Variants in HOXC4 observed in about 807,000 individuals in gnomAD.
HOXC4 encodes the protein homeobox C4.
A neutral mutation model predicts 25.5 loss-of-function variants in HOXC4; 15 were observed. The ratio of observed to expected loss-of-function variants is 0.59; its 90% confidence interval spans 0.39 to 0.91. The LOEUF is 0.91. Among genes scored for constraint, HOXC4 ranks in the 40% least tolerant of loss-of-function variants. The pLI is 0.00. For synonymous variants in HOXC4, 165 were observed against 148.0 expected (o/e 1.11, Z -0.83); for missense variants, 342 against 352.4 (o/e 0.97, Z 0.24).
At chr12:54,038,217 T>TCCC (rs1000843236) in intron 1 of HOXC4, among the ~76,000 whole-genome samples, 5 of 152,128 alleles carry the variant, frequency 3.3e-5, no homozygotes, top group Admixed American at 3.3e-4. Flanking sequence ...TGAGCAGCCC[T>TCCC]CCCCTTCCCA....
chr12:54,034,570 T>A, intron 1 of HOXC4: 1 of 1,257,280 alleles, frequency 8.0e-7, no homozygotes, highest in Non-Finnish European at 1.1e-6. Flanking sequence ...CTTTCCTCTC[T>A]ATATTTCGGG....
chr12:54,017,656 G>A (rs1940215814), intron 1 of HOXC4, among the ~76,000 whole-genome samples: 1 of 152,084 alleles, frequency 6.6e-6, no homozygotes, highest in Non-Finnish European at 1.5e-5. Flanking sequence ...TGGGGGTGGG[G>A]AGGCAAGGGA....
chr12:54,039,787 C>T (rs377502642), intron 1 of HOXC4, among the ~76,000 whole-genome samples: 4 of 152,022 alleles, frequency 2.6e-5, no homozygotes, highest in African/African-American at 4.8e-5. Flanking sequence ...GGTCTTTAAC[C>T]GGGAATTTAG....
chr12:54,021,533 AG>A (rs1940437507), intron 1 of HOXC4: 1 of 152,236 alleles, frequency 6.6e-6, no homozygotes, highest in African/African-American at 2.4e-5. Flanking sequence ...ACCCCATAAA[AG>A]AAAGCAGGGA....
intron 1 of HOXC4, among the ~76,000 whole-genome samples, chr12:54,024,831 C>G (rs939181203): frequency 6.6e-6 from 1 of 152,222 alleles, no homozygotes; most frequent in Non-Finnish European, 1.5e-5. Flanking sequence ...GACTGCACCC[C>G]ACTCAGGTCC....
At chr12:54,031,068 G>A (rs1037331863) in intron 1 of HOXC4, among the ~76,000 whole-genome samples, 1 of 152,278 alleles carries the variant, frequency 6.6e-6, no homozygotes, top group African/African-American at 2.4e-5. Flanking sequence ...AGCCGCGTAG[G>A]ATTTTGTTGC....
upstream of HOXC4, among the ~76,000 whole-genome samples, chr12:54,051,718 G>A (rs1461482929): frequency 6.6e-6 from 1 of 152,198 alleles, no homozygotes; most frequent in Non-Finnish European, 1.5e-5. Context: ...AGCTCCTTGG[G>A]AGCTAAGCCC....
chr12:54,055,747 TG>T lies in HOXC4; in HGVS notation c.*551del, dbSNP rs11362454. 95,818 of 149,452 alleles carry T rather than the reference TG, an allele frequency of 0.64. 31,122 individuals are homozygous for T. The highest frequency in any genetic ancestry group is 0.79 in the African/African-American group (31,859 of 40,572). The allele number at this position is 149,452 out of a possible 1,614,324, so 9.3% of individuals were successfully genotyped here. ...CTATGAAGTTCTTTTGTATTATTGT[TG>T]GGGGGGGGTGTGGGAGGAGAGGGGG... On this transcript the variant is annotated 3_prime_UTR_variant, in exon 2 of 2. Coordinates refer to ENST00000430889, the MANE Select transcript of HOXC4 (RefSeq NM_153633.3).
chr12:54,052,722 G>T (rs1937877714), upstream of HOXC4, among the ~76,000 whole-genome samples: 1 of 152,162 alleles, frequency 6.6e-6, no homozygotes, highest in Non-Finnish European at 1.5e-5. Context: ...AAGGCTGGCC[G>T]TGCCTCCCCA....
At chr12:54,018,543 G>A (rs1392001763) in intron 1 of HOXC4, among the ~76,000 whole-genome samples, 2 of 152,232 alleles carry the variant, frequency 1.3e-5, no homozygotes, top group African/African-American at 4.8e-5. Context: ...ATGGCCTGTT[G>A]TATAGTCTTA....
chr12:54,034,236 C>G (rs1206499322), intron 1 of HOXC4: 2 of 1,529,810 alleles, frequency 1.3e-6, no homozygotes, highest in Non-Finnish European at 1.8e-6. Flanking sequence ...ACGCTGCAAG[C>G]TATTCACCCC....
intron 1 of HOXC4, among the ~76,000 whole-genome samples, chr12:54,028,070 T>A (rs886416773): frequency 4.6e-5 from 7 of 151,998 alleles, no homozygotes; most frequent in African/African-American, 1.7e-4. Flanking sequence ...GGGGCAGATA[T>A]AAAACATGAA....
Position 54,028,042 on chromosome 12 carries a change from A to G in HOXC4, c.-124+10628A>G, listed in dbSNP as rs544927822. The stretch of plus-strand genomic sequence containing the variant: ...AGGGAGTTCTTCCCTTGGAGAAATC[A>G]GGATGTAATTTTAGAAGGGGGCAGA... On this transcript the variant is annotated intron_variant, in intron 1 of 3. Coordinates refer to the HOXC4 transcript ENST00000303406. Among the ~76,000 whole-genome samples the G allele has an allele frequency of 2.0e-4, 30 of 152,222 alleles. No individual in the cohort carries two copies. The South Asian group carries it at 5.2e-3, about 26-fold the overall frequency.
chr12:54,039,059 G>A (rs138906845), intron 1 of HOXC4, among the ~76,000 whole-genome samples: 1 of 152,268 alleles, frequency 6.6e-6, no homozygotes, highest in Non-Finnish European at 1.5e-5. Flanking sequence ...GTGACAACAT[G>A]TGAATTCAGG....
chr12:54,025,413 C>T (rs1467358502), intron 1 of HOXC4, among the ~76,000 whole-genome samples: 1 of 151,786 alleles, frequency 6.6e-6, no homozygotes, highest in Non-Finnish European at 1.5e-5. Context: ...AGATCGGGCT[C>T]ATCTGACCTG....
At chr12:54,029,520 A>AT in intron 1 of HOXC4, 1 of 847,808 alleles carries the variant, frequency 1.2e-6, no homozygotes, top group East Asian at 2.8e-5. Flanking sequence ...GCAAGGCAAA[A>AT]GGGAGAAGGC....
chr12:54,034,942 G>A (rs554797405), intron 1 of HOXC4: 16 of 195,614 alleles, frequency 8.2e-5, no homozygotes, highest in African/African-American at 3.7e-4. Context: ...ACAGCCAAAG[G>A]CTGGCGAGAG....
At position 54,017,929 on chromosome 12, in the gene HOXC4, G is replaced by C. The variant is rs556987663; in HGVS notation, c.-124+515G>C. The stretch of plus-strand genomic sequence containing the variant: ...CAGCCCCCTCCCTCCCAGAGAGCGC[G>C]ACTGCTAGAGCTCACACATGCGCAG... On this transcript the variant is annotated intron_variant, in intron 1 of 3. Transcript: ENST00000303406. 3.7e-3 allele frequency among the ~76,000 whole-genome samples: 567 copies of C among 152,190 alleles called. 2 individuals are homozygous for C. Among genetic ancestry groups the C allele is most frequent in the African/African-American group, 0.013 (533 of 41,534 alleles).
rs1370254938 is a variant in HOXC4, at chr12:54,054,188, A to AC, written c.268dup (p.His90ProfsTer56). On this transcript the variant is annotated frameshift_variant, in exon 1 of 2. Transcript: ENST00000430889. LOFTEE classifies it high-confidence loss of function. ...CACGGGCCGGCCCAGGCGGGCCACC[A>AC]CCACCCCGAGAAATCACAGTCGCTC... 6.2e-7 allele frequency: 1 copy of AC among 1,612,916 alleles called. No individual in the cohort carries two copies. The highest frequency in any genetic ancestry group is 8.5e-7 in the Non-Finnish European group (1 of 1,179,574).
Sources: gnomAD v4.1 joint callset for allele counts (sites outside exome capture counted in the v4.1 genomes callset) on GRCh38, gnomAD v4.1.1 for gene constraint, MANE v1.5 for transcripts, NCBI Gene and HGNC (gene_info 2026-07-23, HGNC 2026-07-21) for gene names.